Variants in DNAAF11 observed in about 807,000 individuals in gnomAD.
DNAAF11 encodes leucine rich repeat containing 6.
DNAAF11 carries 45 observed loss-of-function variants against 60.8 expected under a neutral mutation model. That is an observed-to-expected ratio of 0.74 (90% CI 0.58 to 0.95). DNAAF11 has a LOEUF of 0.95. DNAAF11 is among the 40% of genes least tolerant of loss of function. The pLI is 0.00. For synonymous variants in DNAAF11, 191 were observed against 183.5 expected (o/e 1.04, Z -0.33); for missense variants, 546 against 546.2 (o/e 1.00, Z 0.00).
intron 1 of DNAAF11, among the ~76,000 whole-genome samples, chr8:132,662,328 C>T (rs941753705): frequency 3.3e-5 from 5 of 152,054 alleles, no homozygotes; most frequent in Admixed American, 1.3e-4. Flanking sequence ...AGGAAGACGG[C>T]GCCAGGAGAC....
At chr8:132,581,304 T>C (rs953961710) in intron 11 of DNAAF11, among the ~76,000 whole-genome samples, 9 of 152,130 alleles carry the variant, frequency 5.9e-5, no homozygotes, top group African/African-American at 2.2e-4. Context: ...TAATTTTGAT[T>C]GTTTTAAAAT....
At chr8:132,698,798 C>T in the DNAAF11 span, among the ~76,000 whole-genome samples, 1 of 152,090 alleles carries the variant, frequency 6.6e-6, no homozygotes, top group African/African-American at 2.4e-5. Context: ...ATGATAATTT[C>T]TGACTGGGCA....
the DNAAF11 span, among the ~76,000 whole-genome samples, chr8:132,685,853 T>G: frequency 6.6e-6 from 1 of 152,190 alleles, no homozygotes; most frequent in African/African-American, 2.4e-5. Context: ...GTGTAGTTAG[T>G]GTAAAGATTT....
intron 10 of DNAAF11, among the ~76,000 whole-genome samples, chr8:132,587,015 AAAAG>A (rs1586488107): frequency 6.6e-6 from 1 of 152,220 alleles, no homozygotes; most frequent in East Asian, 1.9e-4. Context: ...CAGCTTAAAA[AAAAG>A]AAAGCTCTTG....
chr8:132,682,275 A>T, the DNAAF11 span, among the ~76,000 whole-genome samples: 8 of 152,064 alleles, frequency 5.3e-5, no homozygotes, highest in Non-Finnish European at 7.4e-5. Context: ...TTAAAGTCTA[A>T]CCACCCTGAG....
chr8:132,642,749 T>C (rs1385998945), intron 3 of DNAAF11, among the ~76,000 whole-genome samples: 1 of 152,242 alleles, frequency 6.6e-6, no homozygotes, highest in Non-Finnish European at 1.5e-5. Flanking sequence ...TTCCGGAATC[T>C]ATCTGGCAAC....
the DNAAF11 span, among the ~76,000 whole-genome samples, chr8:132,684,844 C>T: frequency 6.6e-5 from 10 of 152,268 alleles, no homozygotes; most frequent in East Asian, 1.9e-3. Context: ...AGTGATAAAA[C>T]ATTGATGTCC....
chr8:132,690,777 T>G, the DNAAF11 span, among the ~76,000 whole-genome samples: 199 of 152,278 alleles, frequency 1.3e-3, 1 homozygote, highest in African/African-American at 4.6e-3. Context: ...AAAGTACTGG[T>G]TAAGTATTTT....
intron 10 of DNAAF11, among the ~76,000 whole-genome samples, chr8:132,593,357 A>ATT (rs1816674417): frequency 6.9e-6 from 1 of 144,502 alleles, no homozygotes; most frequent in Non-Finnish European, 1.5e-5. Flanking sequence ...ATATATATAT[A>ATT]TATATTTATA....
intron 1 of DNAAF11, among the ~76,000 whole-genome samples, chr8:132,674,471 A>G (rs113294632): frequency 1.3e-5 from 2 of 152,232 alleles, no homozygotes; most frequent in African/African-American, 4.8e-5. Context: ...TAAGTGATCA[A>G]TTAGGTAGAG....
the DNAAF11 span, among the ~76,000 whole-genome samples, chr8:132,686,652 G>T: frequency 6.6e-6 from 1 of 152,054 alleles, no homozygotes; most frequent in Non-Finnish European, 1.5e-5. Context: ...CGGACTAGGA[G>T]GATAGCAGTG....
intron 4 of DNAAF11, among the ~76,000 whole-genome samples, chr8:132,634,585 T>C (rs1821111308): frequency 6.6e-6 from 1 of 151,794 alleles, no homozygotes; most frequent in South Asian, 2.1e-4. Context: ...ATCAAATCAA[T>C]TTGGAAATTT....
intron 2 of DNAAF11, among the ~76,000 whole-genome samples, chr8:132,659,386 A>C (rs1823904369): frequency 6.6e-6 from 1 of 152,198 alleles, no homozygotes; most frequent in African/African-American, 2.4e-5. Context: ...GATTTAAAAG[A>C]GTGTTTAATT....
chr8:132,690,102 G>T, the DNAAF11 span, among the ~76,000 whole-genome samples: 1 of 152,156 alleles, frequency 6.6e-6, no homozygotes, highest in African/African-American at 2.4e-5. Context: ...TAGATTTTCA[G>T]TTTGAGATTT....
At chr8:132,698,750 C>T in the DNAAF11 span, among the ~76,000 whole-genome samples, 3 of 152,040 alleles carry the variant, frequency 2.0e-5, no homozygotes, top group East Asian at 5.8e-4. Context: ...AAGAACCAAA[C>T]CAAACCAACA....
intron 3 of DNAAF11, among the ~76,000 whole-genome samples, chr8:132,639,500 A>AT (rs1821647140): frequency 1.3e-5 from 2 of 152,162 alleles, no homozygotes; most frequent in South Asian, 4.1e-4. Flanking sequence ...TTCCTGATAG[A>AT]TTAACGTCAC....
chr8:132,603,263 T>A (rs1235584754), intron 10 of DNAAF11, among the ~76,000 whole-genome samples: 3 of 152,138 alleles, frequency 2.0e-5, no homozygotes, highest in Non-Finnish European at 4.4e-5. Context: ...AGAGGTATTA[T>A]GAGAAGATGG....
chr8:132,636,500 G>A (rs1821310152), intron 4 of DNAAF11, among the ~76,000 whole-genome samples: 1 of 152,114 alleles, frequency 6.6e-6, no homozygotes, highest in Non-Finnish European at 1.5e-5. Flanking sequence ...GGTCTGGGAG[G>A]ATCAAAAACA....
the DNAAF11 span, among the ~76,000 whole-genome samples, chr8:132,686,994 A>T: frequency 2.6e-5 from 4 of 152,266 alleles, 1 homozygote; most frequent in East Asian, 7.7e-4. Flanking sequence ...ATGACAGAAA[A>T]CTTTGCTTTT....
Sources: allele counts gnomAD v4.1 joint callset (sites outside exome capture counted in the v4.1 genomes callset), GRCh38; gene constraint gnomAD v4.1.1; transcripts MANE v1.5; gene names NCBI Gene and HGNC (gene_info 2026-07-23, HGNC 2026-07-21).